The following EPHB1 variants were observed in gnomAD, a reference collection of about 807,000 sequenced individuals.
EPHB1 encodes ephrin type-B receptor 1.
EPHB1 carries 30 observed loss-of-function variants against 94.4 expected under a neutral mutation model. That is an observed-to-expected ratio of 0.32 (90% confidence interval 0.24 to 0.43). EPHB1 has a LOEUF of 0.43. Among genes scored for constraint, EPHB1 ranks in the 20% least tolerant of loss-of-function variants. The pLI, the probability that EPHB1 is intolerant of heterozygous loss-of-function variation, is 1.00. For missense variants in EPHB1, 1,055 were observed against 1,308.3 expected, an observed-to-expected ratio of 0.81 and a Z score of 2.99; for synonymous variants, 522 against 489.1, an observed-to-expected ratio of 1.07 and a Z score of -0.89.
intron 9 of EPHB1, among the ~76,000 whole-genome samples, 154 bp downstream of exon 9, chr3:135,167,160 C>T (rs960941737): frequency 6.6e-6 from 1 of 152,148 alleles, no homozygotes; most frequent in Non-Finnish European, 1.5e-5. Context: ...TGCAGGTCCC[C>T]AGGGGCAACA....
intron 12 of EPHB1, among the ~76,000 whole-genome samples, chr3:135,203,814 T>C (rs1448820857): frequency 6.6e-6 from 1 of 152,196 alleles, no homozygotes; most frequent in African/African-American, 2.4e-5. Context: ...TTGGGCATCA[T>C]TGCCGCCAAG....
chr3:135,230,403 A>G (rs1056563677), intron 12 of EPHB1, among the ~76,000 whole-genome samples: 1 of 151,198 alleles, frequency 6.6e-6, no homozygotes, highest in Non-Finnish European at 1.5e-5. Flanking sequence ...ACCATCTAGG[A>G]GAGCAAAGTG....
At chr3:134,882,634 A>G (rs990658830) in intron 1 of EPHB1, among the ~76,000 whole-genome samples, 2 of 151,860 alleles carry the variant, frequency 1.3e-5, no homozygotes, top group African/African-American at 4.8e-5. Context: ...AGACCTGAAC[A>G]TGTCTTTCTC....
chr3:134,824,036 T>C (rs181255258), intron 1 of EPHB1: 103 of 152,018 alleles, frequency 6.8e-4, no homozygotes, highest in African/African-American at 2.5e-3. Flanking sequence ...TTATGAACCA[T>C]GAATGCTTCA....
intron 12 of EPHB1, among the ~76,000 whole-genome samples, chr3:135,211,520 T>C (rs532161556): frequency 6.6e-6 from 1 of 152,362 alleles, no homozygotes; most frequent in African/African-American, 2.4e-5. Context: ...GAGAAATGTC[T>C]ATATTTTGCA....
At position 135,056,955 on chromosome 3, in the gene EPHB1, A is replaced by G. The variant is rs140436545; in HGVS notation, c.806-49493A>G. 3.1e-3 allele frequency among the ~76,000 whole-genome samples: 475 copies of G among 152,230 alleles called. 3 individuals carry two copies. The highest frequency in any genetic ancestry group is 0.011 in the African/African-American group (452 of 41,550). ...TCCTCCCCAGCTCAGCTCATCACCC[A>G]CCTACGTAGAATGAAAGGACATCTG... On this transcript the variant is annotated intron_variant, in intron 3 of 15. Coordinates refer to ENST00000398015, the MANE Select transcript of EPHB1 (RefSeq NM_004441.5).
At chr3:135,018,154 C>T (rs1935864384) in intron 3 of EPHB1, among the ~76,000 whole-genome samples, 1 of 152,100 alleles carries the variant, frequency 6.6e-6, no homozygotes, top group South Asian at 2.1e-4. Context: ...GTGAAGCCCC[C>T]AAAATGCAGG....
intron 3 of EPHB1, among the ~76,000 whole-genome samples, chr3:135,027,895 C>T (rs1936253076): frequency 7.3e-6 from 1 of 136,234 alleles, no homozygotes; most frequent in African/African-American, 2.5e-5. Context: ...ATTGCCACAA[C>T]TTCAGATCCT....
At chr3:135,229,362 C>A (rs1269031855) in intron 12 of EPHB1, among the ~76,000 whole-genome samples, 34 of 152,110 alleles carry the variant, frequency 2.2e-4, no homozygotes. Flanking sequence ...AGAAACCATG[C>A]CAAGAAGGAA....
chr3:134,991,761 G>A (rs1206323804), intron 3 of EPHB1, among the ~76,000 whole-genome samples: 1 of 152,062 alleles, frequency 6.6e-6, no homozygotes, highest in East Asian at 1.9e-4. Flanking sequence ...TGCCTGGATT[G>A]CACCTCCCTT....
chr3:135,189,022 A>G (rs1202772330), intron 10 of EPHB1, among the ~76,000 whole-genome samples: 1 of 152,244 alleles, frequency 6.6e-6, no homozygotes, highest in Admixed American at 6.5e-5. Flanking sequence ...AGGCATGTTT[A>G]TATTTTATAA....
intron 3 of EPHB1, among the ~76,000 whole-genome samples, chr3:134,980,287 T>A (rs1265324180): frequency 6.6e-6 from 1 of 152,210 alleles, no homozygotes; most frequent in Non-Finnish European, 1.5e-5. Flanking sequence ...GCAATTGGAT[T>A]TCTTATGTGG....
chr3:134,834,590 T>G (rs1038532158), intron 1 of EPHB1, among the ~76,000 whole-genome samples: 2 of 152,184 alleles, frequency 1.3e-5, no homozygotes, highest in African/African-American at 4.8e-5. Context: ...GAACAATGCT[T>G]TGACATCTTT....
intron 1 of EPHB1, among the ~76,000 whole-genome samples, chr3:134,803,371 G>C (rs1378543617): frequency 6.6e-6 from 1 of 152,204 alleles, no homozygotes; most frequent in Non-Finnish European, 1.5e-5. Flanking sequence ...AGGGGAGCAG[G>C]GGTCCAAGGC....
chr3:135,084,433 A>G (rs909492646), intron 3 of EPHB1, among the ~76,000 whole-genome samples: 1 of 152,186 alleles, frequency 6.6e-6, no homozygotes, highest in Non-Finnish European at 1.5e-5. Context: ...GGGCATGAGA[A>G]GCTCCTTGTG....
intron 1 of EPHB1, among the ~76,000 whole-genome samples, chr3:134,817,659 G>T (rs1236956033): frequency 6.6e-6 from 1 of 152,232 alleles, no homozygotes; most frequent in Non-Finnish European, 1.5e-5. Context: ...GGATGATGTG[G>T]TCCAACCTCT....
chr3:135,242,951 C>T (rs1431191139), intron 13 of EPHB1, among the ~76,000 whole-genome samples: 1 of 151,794 alleles, frequency 6.6e-6, no homozygotes, highest in Non-Finnish European at 1.5e-5. Context: ...TGGCACATGC[C>T]TGTAATCTCA....
intron 5 of EPHB1, among the ~76,000 whole-genome samples, chr3:135,143,266 G>A (rs1940891199): frequency 6.6e-6 from 1 of 152,160 alleles, no homozygotes; most frequent in Non-Finnish European, 1.5e-5. Context: ...TAAAGAGTGG[G>A]CATGGCAGGA....
At chr3:134,979,687 A>T (rs1559780904) in intron 3 of EPHB1, among the ~76,000 whole-genome samples, 4 of 152,160 alleles carry the variant, frequency 2.6e-5, no homozygotes, top group African/African-American at 9.7e-5. Flanking sequence ...TATAGATTAA[A>T]CTATGATGTT....
Sources: allele counts gnomAD v4.1 joint callset (sites outside exome capture counted in the v4.1 genomes callset), GRCh38; gene constraint gnomAD v4.1.1; transcripts MANE v1.5; gene names NCBI Gene and HGNC (gene_info 2026-07-23, HGNC 2026-07-21).